The following RPA1 variants were observed in gnomAD, a reference collection of about 807,000 sequenced individuals.
The protein encoded by RPA1 is replication protein A 70 kDa DNA-binding subunit.
In RPA1, 49 loss-of-function variants were observed where a neutral mutation model predicts 83.0. The observed-to-expected ratio is 0.59, with a 90% confidence interval of 0.47 to 0.75. The LOEUF is 0.75. Among genes scored for constraint, RPA1 ranks in the 30% least tolerant of loss-of-function variants. RPA1 has a pLI of 0.00. For missense variants in RPA1, 693 were observed against 776.1 expected (o/e 0.89, Z 1.27); for synonymous variants, 279 against 281.8 (o/e 0.99, Z 0.10).
At chr17:1,877,357 C>T (rs1397656704) in intron 8 of RPA1, 43 bp downstream of exon 8, 7 of 1,556,812 alleles carry the variant, frequency 4.5e-6, no homozygotes, top group African/African-American at 4.2e-5. Context: ...GTGGGCTCGC[C>T]GGGAAACAGA....
intron 13 of RPA1, among the ~76,000 whole-genome samples, chr17:1,887,501 G>A (rs1914037318): frequency 3.3e-5 from 5 of 151,502 alleles, no homozygotes; most frequent in Admixed American, 3.3e-4. Context: ...GGAGATTTCA[G>A]TGAGCTGAGA....
intron 7 of RPA1, 92 bp from the exon 8 acceptor site, chr17:1,877,120 C>T (rs17292077): frequency 1.3e-5 from 15 of 1,195,202 alleles, no homozygotes; most frequent in South Asian, 2.6e-5. Context: ...ACGGAATATG[C>T]GTAAGACGAG....
At chr17:1,894,151 G>A (rs1442858043) in intron 15 of RPA1, among the ~76,000 whole-genome samples, 2 of 149,374 alleles carry the variant, frequency 1.3e-5, no homozygotes, top group East Asian at 2.0e-4. Context: ...TTATAGTCAC[G>A]CGCCACCATA....
At chr17:1,869,979 G>A (rs3786136) in intron 5 of RPA1, among the ~76,000 whole-genome samples, 36,074 of 151,888 alleles carry the variant, frequency 0.24, 4,399 homozygotes, top group African/African-American at 0.26. Context: ...CTAGAGTTGC[G>A]GCTGCCAGAA....
chr17:1,881,872 T>G (rs1197240779), intron 12 of RPA1, among the ~76,000 whole-genome samples: 4 of 62,412 alleles, frequency 6.4e-5, no homozygotes, highest in Admixed American at 4.5e-4. Context: ...AGAGTTTTTA[T>G]TGTAAGAAGG....
intron 5 of RPA1, among the ~76,000 whole-genome samples, chr17:1,869,868 C>T (rs1913314891): frequency 6.6e-6 from 1 of 152,156 alleles, no homozygotes; most frequent in Non-Finnish European, 1.5e-5. Flanking sequence ...CGGGCTGTCT[C>T]TCGTCTCTTG....
At chr17:1,868,286 T>C (rs1913255668) in intron 5 of RPA1, among the ~76,000 whole-genome samples, 1 of 152,166 alleles carries the variant, frequency 6.6e-6, no homozygotes, top group African/African-American at 2.4e-5. Flanking sequence ...TATAGTGACT[T>C]CTACCTCACG....
At chr17:1,835,839 A>G (rs550324280) in intron 1 of RPA1, among the ~76,000 whole-genome samples, 3 of 152,260 alleles carry the variant, frequency 2.0e-5, no homozygotes, top group South Asian at 4.2e-4. Flanking sequence ...AAAGGTGTTC[A>G]TGGCCGGGCA....
intron 1 of RPA1, among the ~76,000 whole-genome samples, chr17:1,835,976 GAAGA>G (rs1911803048): frequency 6.6e-6 from 1 of 152,154 alleles, no homozygotes; most frequent in Middle Eastern, 3.4e-3. Flanking sequence ...CATTTAGAAA[GAAGA>G]AAGAAAGAGG....
At position 1,843,446 on chromosome 17, in the gene RPA1, C is replaced by T. The variant is rs77435643; in HGVS notation, c.85-474C>T. ...CTCTCTCAGGTGGGGATAAAGGTCCCGGCTCTGCCGCCTGATCACGGACAC... is the reference window on the plus strand; with the variant it reads ...CTCTCTCAGGTGGGGATAAAGGTCCTGGCTCTGCCGCCTGATCACGGACAC... On this transcript the variant is annotated intron_variant, in intron 2 of 16. Coordinates refer to ENST00000254719, the MANE Select transcript of RPA1 (RefSeq NM_002945.5). Among the ~76,000 whole-genome samples, 328 of 151,814 alleles carry T rather than the reference C, an allele frequency of 2.2e-3. 13 individuals carry two copies. In the East Asian group the frequency reaches 0.048, roughly 22 times the overall value.
intron 1 of RPA1, among the ~76,000 whole-genome samples, chr17:1,841,674 A>G (rs1912051810): frequency 6.6e-6 from 1 of 152,198 alleles, no homozygotes; most frequent in Non-Finnish European, 1.5e-5. Context: ...CACATTGAAT[A>G]AAGGTGTTAA....
At chr17:1,856,697 A>AT (rs1385181156) in intron 5 of RPA1, among the ~76,000 whole-genome samples, 2 of 150,388 alleles carry the variant, frequency 1.3e-5, no homozygotes, top group East Asian at 1.9e-4. Flanking sequence ...TTTTTATTTA[A>AT]TTTTTTATAT....
At chr17:1,875,030 C>A (rs2151285172) in intron 6 of RPA1, among the ~76,000 whole-genome samples, 1 of 152,344 alleles carries the variant, frequency 6.6e-6, no homozygotes, top group South Asian at 2.1e-4. Flanking sequence ...CAGCGCAGGG[C>A]AGCTGCTTAG....
intron 4 of RPA1, among the ~76,000 whole-genome samples, chr17:1,849,425 T>C (rs966672001): frequency 2.4e-4 from 37 of 151,428 alleles, no homozygotes; most frequent in Non-Finnish European, 4.9e-4. Flanking sequence ...CCCCAGTAGC[T>C]GGGACTACAG....
chr17:1,844,034 A>G, intron 3 of RPA1, 36 bp downstream of exon 3: 1 of 1,577,268 alleles, frequency 6.3e-7, no homozygotes, highest in South Asian at 1.1e-5. Context: ...ATGTGTGAGT[A>G]TTTAAATAGT....
At chr17:1,892,011 ATT>A (rs879384202) in intron 15 of RPA1, 71 bp downstream of exon 15, 2,447 of 830,156 alleles carry the variant, frequency 2.9e-3, no homozygotes, top group South Asian at 5.2e-3. Context: ...GACCCCACAC[ATT>A]TTTTTTTTTT....
At chr17:1,880,813 G>A (rs529795633) in intron 12 of RPA1, 122 bp downstream of exon 12, 13 of 1,368,792 alleles carry the variant, frequency 9.5e-6, no homozygotes, top group East Asian at 6.9e-5. Context: ...TGCAGCTTCC[G>A]TGTTTCTTGA....
At chr17:1,877,429 G>C in intron 8 of RPA1, 115 bp downstream of exon 8, 1 of 843,800 alleles carries the variant, frequency 1.2e-6, no homozygotes, top group Admixed American at 2.2e-5. Flanking sequence ...CTCTGCGGAG[G>C]GCAGTGGGCT....
At chr17:1,851,121 CAG>C (rs529807233) in intron 4 of RPA1, among the ~76,000 whole-genome samples, 84 of 152,284 alleles carry the variant, frequency 5.5e-4, no homozygotes, top group African/African-American at 1.9e-3. Flanking sequence ...AGGTAAATCT[CAG>C]ACATCATATT....
Sources: gnomAD v4.1 joint callset for allele counts (sites outside exome capture counted in the v4.1 genomes callset) on GRCh38, gnomAD v4.1.1 for gene constraint, MANE v1.5 for transcripts, NCBI Gene and HGNC (gene_info 2026-07-23, HGNC 2026-07-21) for gene names.